The following NAV1 variants were observed in gnomAD, a reference collection of about 807,000 sequenced individuals.
The protein encoded by NAV1 is neuron navigator 1, also known as pore membrane and/or filament interacting like protein 3.
A neutral mutation model predicts 175.2 loss-of-function variants in NAV1; 18 were observed. That is an observed-to-expected ratio of 0.10 (90% confidence interval 0.07 to 0.15). The LOEUF is 0.15. Ranked by LOEUF, NAV1 falls within the 10% of genes least tolerant of loss-of-function variation. The pLI, the probability that NAV1 is intolerant of heterozygous loss-of-function variation, is 1.00. For missense variants in NAV1, 1,731 were observed against 2,436.6 expected, an observed-to-expected ratio of 0.71 and a Z score of 6.10; for synonymous variants, 897 against 978.7, an observed-to-expected ratio of 0.92 and a Z score of 1.56.
chr1:201,756,822 TTCTTTC>T (rs1216535127), intron 3 of NAV1, among the ~76,000 whole-genome samples: 2 of 24,794 alleles, frequency 8.1e-5, no homozygotes, highest in South Asian at 1.0e-3. Flanking sequence ...CTTTCTTTCT[TTCTTTC>T]TTTCTTTCTT....
At chr1:201,741,492 C>T (rs566888702) in intron 3 of NAV1, among the ~76,000 whole-genome samples, 35 of 128,616 alleles carry the variant, frequency 2.7e-4, no homozygotes, top group Non-Finnish European at 5.7e-4. Context: ...GCTCACTGGG[C>T]CCTGGAGAAG....
At chr1:201,551,430 T>G (rs952650542) in intron 1 of NAV1, among the ~76,000 whole-genome samples, 1 of 152,160 alleles carries the variant, frequency 6.6e-6, no homozygotes, top group Non-Finnish European at 1.5e-5. Flanking sequence ...GGTCTTGCTA[T>G]GTTGCCCAGG....
intron 1 of NAV1, among the ~76,000 whole-genome samples, chr1:201,544,213 A>G (rs1311461609): frequency 6.6e-6 from 1 of 152,164 alleles, no homozygotes; most frequent in Non-Finnish European, 1.5e-5. Flanking sequence ...AGTGTCTGTC[A>G]TTTTTAAAAG....
At chr1:201,607,870 T>TTGTGTGTGTGTGTGTGTG (rs57110688) in intron 2 of NAV1, among the ~76,000 whole-genome samples, 5 of 138,192 alleles carry the variant, frequency 3.6e-5, no homozygotes, top group East Asian at 4.2e-4. Flanking sequence ...GATAACTTTA[T>TTGTGTGTGTGTGTGTGTG]TGTGTGTGTG....
chr1:201,783,261 A>G (rs1337446538), intron 6 of NAV1, 145 bp from the exon 11 acceptor site: 10 of 869,348 alleles, frequency 1.2e-5, no homozygotes, highest in Non-Finnish European at 1.8e-6. Flanking sequence ...ATTTCCTTGC[A>G]TTGTATTTCA....
chr1:201,567,720 C>T (rs1666397000), intron 1 of NAV1, among the ~76,000 whole-genome samples: 1 of 152,128 alleles, frequency 6.6e-6, no homozygotes, highest in Non-Finnish European at 1.5e-5. Context: ...AAGGTGGAGA[C>T]TGTCTCTCCA....
intron 1 of NAV1, among the ~76,000 whole-genome samples, chr1:201,584,931 C>G (rs566202217): frequency 6.6e-6 from 1 of 152,316 alleles, no homozygotes; most frequent in Admixed American, 6.5e-5. Flanking sequence ...AGGGCCCCTG[C>G]CTTTCCAAAC....
chr1:201,549,009 C>T (rs890735557), intron 1 of NAV1, among the ~76,000 whole-genome samples: 2 of 152,196 alleles, frequency 1.3e-5, no homozygotes, highest in Non-Finnish European at 2.9e-5. Flanking sequence ...GTCTTCTGTA[C>T]AATTTGATGG....
At chr1:201,745,464 A>C (rs187428729) in intron 3 of NAV1, among the ~76,000 whole-genome samples, 1 of 152,332 alleles carries the variant, frequency 6.6e-6, no homozygotes, top group Admixed American at 6.5e-5. Context: ...GGAGAAGAGG[A>C]AAGTTGTGTA....
intron 1 of NAV1, among the ~76,000 whole-genome samples, chr1:201,654,631 C>T (rs1168693220): frequency 6.6e-6 from 1 of 152,088 alleles, no homozygotes; most frequent in Non-Finnish European, 1.5e-5. Context: ...GCAGCTTAGC[C>T]ACCTCTGCAG....
At position 201,623,363 on chromosome 1, in the gene NAV1, G is replaced by C. The variant is rs376695356; in HGVS notation, c.-344G>C. On this transcript the variant is annotated 5_prime_UTR_variant, in exon 1 of 30. Coordinates refer to the NAV1 transcript ENST00000367302. Reference sequence around the variant, plus strand: ...TTTCACGGAGAAACTCAAATACCAGGGGCTCCGGAAGGTCGGAAGCCTCCA... The same window carrying C: ...TTTCACGGAGAAACTCAAATACCAGCGGCTCCGGAAGGTCGGAAGCCTCCA... The C allele has an allele frequency of 2.0e-5, 20 of 985,906 alleles. 1 individual carries two copies. The highest frequency in any genetic ancestry group is 5.2e-4 in the Middle Eastern group (1 of 1,916). The allele number at this position is 985,906 out of a possible 1,614,324, so 61.1% of individuals were successfully genotyped here.
chr1:201,642,015 CTT>C (rs746883918), intron 2 of NAV1, among the ~76,000 whole-genome samples: 17 of 149,566 alleles, frequency 1.1e-4, no homozygotes, highest in Non-Finnish European at 1.9e-4. Flanking sequence ...TTCCTTCTCT[CTT>C]TCTTTCTCTT....
intron 1 of NAV1, among the ~76,000 whole-genome samples, chr1:201,570,032 A>G (rs1666483223): frequency 1.3e-5 from 2 of 152,266 alleles, no homozygotes; most frequent in African/African-American, 4.8e-5. Context: ...ACTGTAAAAT[A>G]CCATTTTCAT....
At chr1:201,695,536 C>T (rs1671154487) in intron 1 of NAV1, among the ~76,000 whole-genome samples, 1 of 152,246 alleles carries the variant, frequency 6.6e-6, no homozygotes, top group Non-Finnish European at 1.5e-5. Flanking sequence ...AACTCAGGTG[C>T]AGCTTTGTAG....
chr1:201,640,439 G>T (rs1306244095), intron 2 of NAV1, among the ~76,000 whole-genome samples: 1 of 152,178 alleles, frequency 6.6e-6, no homozygotes. Context: ...GGGAGTGGGG[G>T]ATGGGGCTGA....
chr1:201,705,198 T>C (rs1671617373), intron 1 of NAV1, among the ~76,000 whole-genome samples: 1 of 152,182 alleles, frequency 6.6e-6, no homozygotes, highest in Admixed American at 6.5e-5. Flanking sequence ...TGGAGATGCA[T>C]TACCGAGGGT....
intron 5 of NAV1, among the ~76,000 whole-genome samples, chr1:201,781,762 C>T (rs1260179459): frequency 1.3e-5 from 2 of 152,122 alleles, no homozygotes; most frequent in African/African-American, 4.8e-5. Flanking sequence ...CAAAGTTGGC[C>T]CCTTGGGTAA....
chr1:201,795,328 C>A (rs566363589), intron 15 of NAV1: 4 of 152,158 alleles, frequency 2.6e-5, no homozygotes, highest in Non-Finnish European at 4.4e-5. Context: ...CGTTTATATT[C>A]ATCCAATACT....
At chr1:201,568,011 A>C (rs1382467962) in intron 1 of NAV1, among the ~76,000 whole-genome samples, 1 of 152,166 alleles carries the variant, frequency 6.6e-6, no homozygotes, top group Non-Finnish European at 1.5e-5. Flanking sequence ...AGACCCTGCC[A>C]TGCAAATTGA....
Sources: allele counts gnomAD v4.1 joint callset (sites outside exome capture counted in the v4.1 genomes callset), GRCh38; gene constraint gnomAD v4.1.1; transcripts MANE v1.5; gene names NCBI Gene and HGNC (gene_info 2026-07-23, HGNC 2026-07-21).